Variants in CSE1L observed in about 807,000 individuals in gnomAD.
CSE1L encodes the protein exportin-2.
Under a neutral mutation model 120.4 loss-of-function variants are expected in CSE1L, and 24 were observed. The observed-to-expected ratio is 0.20, with a 90% CI of 0.14 to 0.28. The LOEUF (loss-of-function observed/expected upper bound fraction) is 0.28, where lower values mean the gene tolerates loss of function less well. CSE1L is among the 10% of genes least tolerant of loss of function. CSE1L has a pLI of 1.00. For synonymous variants in CSE1L, 402 were observed against 398.3 expected (o/e 1.01, Z -0.11); for missense variants, 830 against 1,145.2 (o/e 0.72, Z 3.97).
At chr20:49,083,272 G>C (rs2092028574) in intron 14 of CSE1L, among the ~76,000 whole-genome samples, 2 of 152,092 alleles carry the variant, frequency 1.3e-5, no homozygotes, top group African/African-American at 4.8e-5. Context: ...ACCCACCTCG[G>C]CCTCCCAAAG....
chr20:49,068,957 A>T, intron 7 of CSE1L, 135 bp downstream of exon 7: 1 of 629,290 alleles, frequency 1.6e-6, no homozygotes, highest in Non-Finnish European at 2.8e-6. Flanking sequence ...CTATTTATCT[A>T]TAGTGTTCTG....
intron 14 of CSE1L, among the ~76,000 whole-genome samples, chr20:49,080,347 G>A (rs550270104): frequency 1.1e-4 from 16 of 150,174 alleles, no homozygotes; most frequent in Non-Finnish European, 2.1e-4. Context: ...CCAAGTAGCT[G>A]GGACTACAGG....
At chr20:49,085,457 A>G (rs2092047959) in intron 16 of CSE1L, 71 bp downstream of exon 16, 1 of 1,041,436 alleles carries the variant, frequency 9.6e-7, no homozygotes, top group African/African-American at 1.6e-5. Context: ...ACTCTGAGTT[A>G]TACTTCAGGT....
At chr20:49,057,957 G>C (rs1399353626) in intron 1 of CSE1L, among the ~76,000 whole-genome samples, 2 of 151,930 alleles carry the variant, frequency 1.3e-5, no homozygotes, top group African/African-American at 4.8e-5. Context: ...TTTTGGTAGA[G>C]ATGGGGTCTC....
intron 20 of CSE1L, 49 bp downstream of exon 20, chr20:49,090,888 G>A (rs367921579): frequency 5.0e-6 from 8 of 1,596,108 alleles, no homozygotes; most frequent in Non-Finnish European, 6.9e-6. Context: ...TTTGTTAGGT[G>A]CTCAGAAAAG....
chr20:49,054,321 C>CATA (rs2091790435), intron 1 of CSE1L, among the ~76,000 whole-genome samples: 1 of 152,182 alleles, frequency 6.6e-6, no homozygotes, highest in Non-Finnish European at 1.5e-5. Flanking sequence ...GAGTGCCCTG[C>CATA]ATAAGCACAG....
intron 10 of CSE1L, among the ~76,000 whole-genome samples, chr20:49,074,346 C>T (rs1192243456): frequency 4.6e-5 from 7 of 151,766 alleles, no homozygotes; most frequent in African/African-American, 1.7e-4. Flanking sequence ...TGCTAGGTTA[C>T]ACGCGTGAGC....
At chr20:49,088,789 C>T (rs537977715) in intron 17 of CSE1L, among the ~76,000 whole-genome samples, 8 of 152,178 alleles carry the variant, frequency 5.3e-5, no homozygotes, top group African/African-American at 1.9e-4. Context: ...TATGTATTAC[C>T]ATCTCATGTT....
intron 6 of CSE1L, among the ~76,000 whole-genome samples, 193 bp downstream of exon 6, chr20:49,067,473 TGG>T (rs2091901730): frequency 6.6e-6 from 1 of 152,222 alleles, no homozygotes. Flanking sequence ...ACAAATTTAA[TGG>T]TTAGCAACGT....
intron 1 of CSE1L, among the ~76,000 whole-genome samples, chr20:49,057,393 C>G (rs982892401): frequency 1.3e-5 from 2 of 149,758 alleles, no homozygotes. Flanking sequence ...TTTCTTTAAT[C>G]TCAGAACTTT....
chr20:49,062,052 C>G (rs2091857322), intron 2 of CSE1L, among the ~76,000 whole-genome samples: 1 of 152,118 alleles, frequency 6.6e-6, no homozygotes, highest in African/African-American at 2.4e-5. Context: ...AACTCACTTC[C>G]TGGATATTGA....
At chr20:49,047,559 CTTTTCTTTTTTTT>C (rs2091726543) in intron 1 of CSE1L, among the ~76,000 whole-genome samples, 6 of 61,086 alleles carry the variant, frequency 9.8e-5, no homozygotes, top group African/African-American at 3.4e-4. Flanking sequence ...TTTCTTTTCT[CTTTTCTTTTTTTT>C]TTTTTTTTTT....
At chr20:49,076,029 A>G (rs939608529) in intron 12 of CSE1L, among the ~76,000 whole-genome samples, 1 of 152,066 alleles carries the variant, frequency 6.6e-6, no homozygotes, top group Admixed American at 6.6e-5. Flanking sequence ...ACAAGGTTTC[A>G]CCATATTGGT....
chr20:49,065,997 G>T (rs1342347005), intron 3 of CSE1L, among the ~76,000 whole-genome samples, 195 bp from the exon 4 acceptor site: 1 of 152,194 alleles, frequency 6.6e-6, no homozygotes, highest in Non-Finnish European at 1.5e-5. Context: ...CTGGGAAAAG[G>T]ATTCACGCTG....
intron 19 of CSE1L, 65 bp from the exon 20 acceptor site, chr20:49,090,672 TATATC>T (rs2092094307): frequency 3.6e-6 from 4 of 1,119,842 alleles, no homozygotes; most frequent in Non-Finnish European, 4.1e-6. Context: ...TTTTAAGACA[TATATC>T]ATGTTTAACT....
At chr20:49,056,732 C>CT (rs1042971158) in intron 1 of CSE1L, among the ~76,000 whole-genome samples, 7 of 151,752 alleles carry the variant, frequency 4.6e-5, no homozygotes, top group African/African-American at 1.7e-4. Context: ...GTTCAGACTC[C>CT]TTTTTTTCCC....
At chr20:49,074,946 G>T in intron 11 of CSE1L, 96 bp downstream of exon 11, 1 of 896,814 alleles carries the variant, frequency 1.1e-6, no homozygotes, top group South Asian at 1.7e-5. Context: ...TTGAGAATAA[G>T]AGTGTTTTTT....
intron 23 of CSE1L, 22 bp from the exon 24 acceptor site, chr20:49,094,710 C>T: frequency 6.5e-7 from 1 of 1,535,160 alleles, no homozygotes; most frequent in Non-Finnish European, 9.0e-7. Context: ...ACCTTTTTAT[C>T]TCTTGCTTTC....
intron 14 of CSE1L, among the ~76,000 whole-genome samples, chr20:49,079,367 C>T (rs2091992935): frequency 6.6e-6 from 1 of 151,958 alleles, no homozygotes; most frequent in South Asian, 2.1e-4. Flanking sequence ...GCTGGGATTA[C>T]AGGCATCTGC....
Sources: gnomAD v4.1 joint callset for allele counts (sites outside exome capture counted in the v4.1 genomes callset) on GRCh38, gnomAD v4.1.1 for gene constraint, MANE v1.5 for transcripts, NCBI Gene and HGNC (gene_info 2026-07-23, HGNC 2026-07-21) for gene names.